Variants in KNTC1 observed in about 807,000 individuals in gnomAD.
KNTC1 encodes kinetochore associated 1.
A neutral mutation model predicts 314.4 loss-of-function variants in KNTC1; 253 were observed. The ratio of observed to expected loss-of-function variants is 0.80; its 90% CI spans 0.73 to 0.89. KNTC1 has a LOEUF of 0.89. Among genes scored for constraint, KNTC1 ranks in the 40% least tolerant of loss-of-function variants. The pLI, the probability that KNTC1 is intolerant of heterozygous loss-of-function variation, is 0.00. For missense variants in KNTC1, 2,475 were observed against 2,572.9 expected (o/e 0.96, Z 0.82); for synonymous variants, 901 against 901.4 (o/e 1.00, Z 0.01).
Position 122,542,128 on chromosome 12 carries a change from G to GT in KNTC1, c.523+2dup. 1 of 1,458,010 alleles carries GT rather than the reference G, an allele frequency of 6.9e-7. No individual in the cohort carries two copies. Among genetic ancestry groups the GT allele is most frequent in the African/African-American group, 1.4e-5 (1 of 71,192 alleles). 90.3% of individuals were successfully genotyped at this position (1,458,010 alleles called of 1,614,324 possible). On this transcript the variant is annotated splice_donor_variant, in intron 6 of 63. Coordinates refer to ENST00000333479, the MANE Select transcript of KNTC1 (RefSeq NM_014708.6). LOFTEE classifies it high-confidence loss of function. ...CTTCAGCTTTTAAAAATTCAACAAG[G>GT]TAAGTAATACATTATATTTTTATTA...
intron 30 of KNTC1, 77 bp downstream of exon 30, chr12:122,577,106 CTCGCTCCAT>C (rs1965082336): frequency 8.5e-7 from 1 of 1,170,440 alleles, no homozygotes; most frequent in East Asian, 2.9e-5. Context: ...GAGACAGGGT[CTCGCTCCAT>C]TGCCCAGGCT....
intron 52 of KNTC1, among the ~76,000 whole-genome samples, 166 bp from the exon 53 acceptor site, chr12:122,610,656 A>T (rs770943484): frequency 1.5e-4 from 23 of 152,250 alleles, no homozygotes; most frequent in Non-Finnish European, 2.9e-4. Context: ...CAAGAAAAAG[A>T]TTAAGCATTC....
chr12:122,597,740 G>C lies in KNTC1; in HGVS notation c.4365G>C (p.Gln1455His), dbSNP rs569474522. The stretch of plus-strand genomic sequence containing the variant: ...TGAATGCTTCTTTTAGCACATTTCA[G>C]TTGGACTGCGATGCAGTTCTTCAGC... ...SLILEYCSTF[Q>H]LDCDAVLQLF... The change falls in exon 44 of 64, where the codon CAG becomes CAC. Residue 1455 changes from glutamine (Q) to histidine (H), a missense_variant. By Grantham distance (24) the Gln-to-His change is conservative. Transcript: ENST00000333479. 6.8e-6 allele frequency: 11 copies of C among 1,613,660 alleles called. No homozygotes were observed. The highest frequency in any genetic ancestry group is 1.3e-5 in the African/African-American group (1 of 74,942).
At chr12:122,594,234 G>A (rs904175140) in intron 42 of KNTC1, 42 bp from the exon 43 acceptor site, 9 of 1,107,170 alleles carry the variant, frequency 8.1e-6, no homozygotes, top group Non-Finnish European at 1.1e-5. Flanking sequence ...ACATTTCAGT[G>A]TAGAGGGTTT....
At chr12:122,581,849 T>C (rs1428335446) in intron 33 of KNTC1, among the ~76,000 whole-genome samples, 45 of 152,188 alleles carry the variant, frequency 3.0e-4, no homozygotes, top group Admixed American at 2.9e-3. Context: ...TTAACAGTTA[T>C]TTAGTTTGTA....
Position 122,575,670 on chromosome 12 carries a change from ATGT to A in KNTC1, c.2486+29_2486+31del, listed in dbSNP as rs753069340. On this transcript the variant is annotated intron_variant, in intron 28 of 63. Coordinates refer to ENST00000333479, the MANE Select transcript of KNTC1 (RefSeq NM_014708.6). ...AAGTAAGATGACTGTCTACGAAACA[ATGT>A]TGTTATGCTCTGGAGAAACATTGTG... The A allele has an allele frequency of 8.5e-6, 13 of 1,530,148 alleles. 1 individual carries two copies. In the South Asian group the frequency reaches 1.5e-4, roughly 18 times the overall value. 94.8% of individuals were successfully genotyped at this position (1,530,148 alleles called of 1,614,324 possible). A position where few individuals can be genotyped will look rare whatever the true frequency, so the allele number is the denominator to read the frequency against.
At position 122,557,622 on chromosome 12, in the gene KNTC1, A is replaced by T; in HGVS notation, c.1421A>T (p.Tyr474Phe). ...KIQDDEFVVN[Y>F]CLKAQWITYE... ...CAGGATGATGAATTTGTGGTGAATT[A>T]CTGCCTGAAAGCTCAGTGGATAACC... is the stretch of plus-strand genomic sequence containing the variant. Residue 474 changes from tyrosine to phenylalanine, a missense_variant, in exon 18 of 64, where the codon TAC becomes TTC. Physicochemically the swap from Tyr to Phe is conservative, Grantham distance 22. Coordinates refer to ENST00000333479, the MANE Select transcript of KNTC1 (RefSeq NM_014708.6). The T allele has an allele frequency of 1.2e-6, 2 of 1,613,422 alleles. No individual in the cohort carries two copies. Among genetic ancestry groups the T allele is most frequent in the South Asian group, 2.2e-5 (2 of 90,950 alleles).
chr12:122,534,103 C>T (rs1214196424), intron 2 of KNTC1, among the ~76,000 whole-genome samples: 2 of 152,168 alleles, frequency 1.3e-5, no homozygotes, highest in African/African-American at 2.4e-5. Flanking sequence ...TTTGGCTTGT[C>T]TACTGTTTTT....
chr12:122,542,256 T>C, intron 6 of KNTC1, 129 bp downstream of exon 6: 1 of 612,426 alleles, frequency 1.6e-6, no homozygotes, highest in Non-Finnish European at 2.7e-6. Flanking sequence ...TATAATTGGG[T>C]ATACTGTTAA....
rs990355687 is a variant in KNTC1, at chr12:122,561,494, C to T, written c.1489-427C>T. On this transcript the variant is annotated intron_variant, in intron 18 of 63. Transcript: ENST00000333479. Reference sequence around the variant, plus strand: ...TTTGAAACGGAGTCTCATTCTGTACCCCAAGCTGGAGTGCAGTGGTGGGAT... The same window carrying T: ...TTTGAAACGGAGTCTCATTCTGTACTCCAAGCTGGAGTGCAGTGGTGGGAT... Among the ~76,000 whole-genome samples the T allele has an allele frequency of 3.3e-5, 5 of 151,538 alleles. No homozygotes were observed. In the South Asian group the frequency reaches 6.3e-4, roughly 19 times the overall value.
At chr12:122,567,045 C>G (rs149462842) in intron 20 of KNTC1, among the ~76,000 whole-genome samples, 1,606 of 151,472 alleles carry the variant, frequency 0.011, 29 homozygotes, top group African/African-American at 0.038. Context: ...GCCATCTTTT[C>G]TAAAGGATGT....
chr12:122,563,700 T>G, intron 20 of KNTC1: 1 of 1,191,318 alleles, frequency 8.4e-7, no homozygotes, highest in Non-Finnish European at 1.1e-6. Context: ...CCATAAAAAT[T>G]GGATTTACTT....
At chr12:122,538,733 C>G (rs1962049126) in intron 4 of KNTC1, among the ~76,000 whole-genome samples, 2 of 152,052 alleles carry the variant, frequency 1.3e-5, no homozygotes, top group Admixed American at 1.3e-4. Flanking sequence ...GGAAAGGGAT[C>G]CCAAGTGCTA....
chr12:122,619,663 C>T (rs566908878), intron 59 of KNTC1, among the ~76,000 whole-genome samples: 9 of 151,994 alleles, frequency 5.9e-5, no homozygotes, highest in Admixed American at 2.0e-4. Flanking sequence ...CCACCTGCCT[C>T]GGCCTCCCAA....
At chr12:122,546,132 T>TA (rs773573728) in intron 8 of KNTC1, 44 bp from the exon 9 acceptor site, 1 of 1,174,402 alleles carries the variant, frequency 8.5e-7, no homozygotes, top group South Asian at 1.2e-5. Context: ...GGCTCAGGTC[T>TA]AAGAATGAAA....
At position 122,604,879 on chromosome 12, in the gene KNTC1, C is replaced by T. The variant is rs983949034; in HGVS notation, c.5178C>T (p.Asp1726=). The T allele has an allele frequency of 1.4e-5, 22 of 1,597,570 alleles. No homozygotes were observed. Among genetic ancestry groups the T allele is most frequent in the African/African-American group, 8.0e-5 (6 of 74,736 alleles). ...ERWLQNIPSQ[D]EKREKAEALL... is the part of the protein sequence containing the mutation. Reference sequence around the variant, plus strand: ...TTTTGCTTGGAATTGTTTAAAAGGACGAAAAACGTGAAAAAGCCGAGGCTT... The same window carrying T: ...TTTTGCTTGGAATTGTTTAAAAGGATGAAAAACGTGAAAAAGCCGAGGCTT... The change falls in exon 50 of 64, where the codon GAC becomes GAT. Residue 1726 remains aspartate (D), a splice_region_variant and synonymous_variant. Transcript: ENST00000333479.
At position 122,575,892 on chromosome 12, in the gene KNTC1, A is replaced by T; in HGVS notation, c.2579A>T (p.Glu860Val). Reference sequence around the variant, plus strand: ...AGAGAGGTAAATCTCTTAAACAAGGAAATAATGGTAAGTACACTCTTCGAA... The same window carrying T: ...AGAGAGGTAAATCTCTTAAACAAGGTAATAATGGTAAGTACACTCTTCGAA... ...GIREVNLLNK[E>V]IMRVVRYILK... Residue 860 changes from glutamate (E) to valine (V), a missense_variant, in exon 29 of 64, where the codon GAA (glutamate) becomes GTA (valine). By Grantham distance (121) the Glu-to-Val change is moderately radical (BLOSUM62 -2). Transcript: ENST00000333479. 1 of 1,610,680 alleles carries T rather than the reference A, an allele frequency of 6.2e-7. No individual in the cohort carries two copies. Among genetic ancestry groups the T allele is most frequent in the African/African-American group, 1.3e-5 (1 of 74,686 alleles).
At chr12:122,566,892 C>T (rs1173204697) in intron 20 of KNTC1, among the ~76,000 whole-genome samples, 1 of 148,680 alleles carries the variant, frequency 6.7e-6, no homozygotes, top group Non-Finnish European at 1.5e-5. Flanking sequence ...TACAGGTGAG[C>T]ACCACCACAC....
intron 18 of KNTC1, among the ~76,000 whole-genome samples, chr12:122,557,907 T>C (rs1963708708): frequency 6.6e-6 from 1 of 152,198 alleles, no homozygotes. Flanking sequence ...CCTTGAGTTG[T>C]GCAAGCATCA....
Sources: gnomAD v4.1 joint callset for allele counts (sites outside exome capture counted in the v4.1 genomes callset) on GRCh38, gnomAD v4.1.1 for gene constraint, MANE v1.5 for transcripts, NCBI Gene and HGNC (gene_info 2026-07-23, HGNC 2026-07-21) for gene names.